The following CLSTN1 variants were observed in gnomAD, a reference collection of about 807,000 sequenced individuals.
CLSTN1 encodes calsyntenin 1.
A neutral mutation model predicts 108.3 loss-of-function variants in CLSTN1; 28 were observed. That is an observed-to-expected ratio of 0.26 (90% CI 0.19 to 0.35). The LOEUF is 0.35. CLSTN1 is among the 10% of genes least tolerant of loss of function. CLSTN1 has a pLI of 1.00. For missense variants in CLSTN1, 1,157 were observed against 1,302.6 expected, an observed-to-expected ratio of 0.89 and a Z score of 1.72; for synonymous variants, 524 against 534.9, an observed-to-expected ratio of 0.98 and a Z score of 0.28.
chr1:9,729,289 A>AT lies in CLSTN1; in HGVS notation c.*1218dup, dbSNP rs1650188941. 6.6e-6 allele frequency: 1 copy of AT among 152,570 alleles called. No individual in the cohort carries two copies. Among genetic ancestry groups the AT allele is most frequent in the African/African-American group, 2.4e-5 (1 of 41,428 alleles). The allele number at this position is 152,570 out of a possible 1,614,324, so 9.5% of individuals were successfully genotyped here. On this transcript the variant is annotated 3_prime_UTR_variant, in exon 19 of 19. Transcript: ENST00000377298. ...TGCCCACCTGTTTTAGAAATCTAAAATTTTACATGTAACTAAGAGCAAAGT... is the reference window on the plus strand; with the variant it reads ...TGCCCACCTGTTTTAGAAATCTAAAATTTTTACATGTAACTAAGAGCAAAGT...
intron 7 of CLSTN1, among the ~76,000 whole-genome samples, 168 bp downstream of exon 7, chr1:9,749,293 A>C (rs941069748): frequency 3.9e-5 from 6 of 152,148 alleles, no homozygotes; most frequent in Non-Finnish European, 5.9e-5. Flanking sequence ...CCCGAAGCCC[A>C]TCCAGTATGA....
intron 1 of CLSTN1, among the ~76,000 whole-genome samples, chr1:9,809,717 A>G (rs1654648131): frequency 6.6e-6 from 1 of 151,932 alleles, no homozygotes; most frequent in African/African-American, 2.4e-5. Context: ...CCTGGCCAAC[A>G]TGGTAAAACC....
At chr1:9,731,685 G>A in intron 17 of CLSTN1, 76 bp downstream of exon 17, 1 of 1,429,736 alleles carries the variant, frequency 7.0e-7, no homozygotes. Context: ...TGAGCAGGAG[G>A]CTGTGCCCAC....
intron 7 of CLSTN1, among the ~76,000 whole-genome samples, chr1:9,748,591 G>A (rs1206554579): frequency 6.6e-6 from 1 of 152,168 alleles, no homozygotes; most frequent in Non-Finnish European, 1.5e-5. Flanking sequence ...GGGCTCAAGC[G>A]ATCCTCCTCC....
intron 2 of CLSTN1, among the ~76,000 whole-genome samples, chr1:9,764,946 G>A (rs911139255): frequency 2.7e-4 from 41 of 151,978 alleles, no homozygotes; most frequent in African/African-American, 9.2e-4. Flanking sequence ...ATCCAAAATG[G>A]GTCCATTCAA....
At chr1:9,790,398 GA>G (rs986935441) in intron 1 of CLSTN1, among the ~76,000 whole-genome samples, 3 of 151,474 alleles carry the variant, frequency 2.0e-5, no homozygotes, top group African/African-American at 7.2e-5. Context: ...GGTATGCTGT[GA>G]CTTTTCTTTT....
At chr1:9,769,494 AC>A (rs890610650) in intron 2 of CLSTN1, among the ~76,000 whole-genome samples, 1 of 152,222 alleles carries the variant, frequency 6.6e-6, no homozygotes, top group Non-Finnish European at 1.5e-5. Context: ...GGCACCTAAC[AC>A]AGGTAAACTG....
At chr1:9,757,691 G>A (rs1651884246) in intron 2 of CLSTN1, among the ~76,000 whole-genome samples, 1 of 152,182 alleles carries the variant, frequency 6.6e-6, no homozygotes, top group Admixed American at 6.5e-5. Context: ...AAAACTAACT[G>A]TAGGGATGCT....
chr1:9,818,929 G>A (rs922982788), intron 1 of CLSTN1, among the ~76,000 whole-genome samples: 6 of 150,202 alleles, frequency 4.0e-5, no homozygotes, highest in Non-Finnish European at 7.4e-5. Context: ...TGGGACTACA[G>A]GCACCTGCCA....
Position 9,823,814 on chromosome 1 carries a change from TG to T in CLSTN1, c.-82del. On this transcript the variant is annotated 5_prime_UTR_variant, in exon 1 of 19. Transcript: ENST00000377298. The surrounding 1 kb of genome is among the most constrained non-coding windows in gnomAD (Gnocchi z 6.3). ...CGGAGCTCTCGGGGCTCTAGGGGCC[TG>T]GGGCTAGCTGCTCCGCGGCGCGGGG... 7.2e-6 allele frequency: 5 copies of T among 691,902 alleles called. No homozygotes were observed. The highest frequency in any genetic ancestry group is 2.3e-4 in the East Asian group (2 of 8,572). The allele number at this position is 691,902 out of a possible 1,614,324, so 42.9% of individuals were successfully genotyped here. A position where few individuals can be genotyped will look rare whatever the true frequency, so the allele number is the denominator to read the frequency against.
chr1:9,733,922 G>A, intron 15 of CLSTN1, 50 bp downstream of exon 15: 2 of 1,553,814 alleles, frequency 1.3e-6, no homozygotes, highest in East Asian at 2.3e-5. Context: ...AGCTCTCAAA[G>A]TCCCCTCTTG....
intron 1 of CLSTN1, among the ~76,000 whole-genome samples, chr1:9,775,312 G>A (rs181063680): frequency 3.3e-5 from 5 of 151,450 alleles, no homozygotes; most frequent in South Asian, 4.2e-4. Context: ...CAAGTTCCTC[G>A]TTCGTAAACC....
chr1:9,819,400 G>A lies in CLSTN1; in HGVS notation c.91+4243C>T, dbSNP rs546045769. ...GGTTTAATAAGCTTCACTAAGTCCT[G>A]CAGCTAGTGTTACGAAATTACAGCA... On this transcript the variant is annotated intron_variant, in intron 1 of 18. Coordinates refer to ENST00000377298, the MANE Select transcript of CLSTN1 (RefSeq NM_001009566.3). Among the ~76,000 whole-genome samples the A allele has an allele frequency of 2.6e-5, 4 of 152,196 alleles. No individual in the cohort carries two copies. In the South Asian group the frequency reaches 8.3e-4, roughly 32 times the overall value.
intron 1 of CLSTN1, among the ~76,000 whole-genome samples, chr1:9,801,975 CAT>C (rs770802161): frequency 3.3e-5 from 5 of 152,142 alleles, no homozygotes; most frequent in Non-Finnish European, 7.3e-5. Flanking sequence ...ACAGCAAACA[CAT>C]GTTTACTATA....
intron 1 of CLSTN1, among the ~76,000 whole-genome samples, chr1:9,796,881 T>C (rs760186818): frequency 6.6e-6 from 1 of 152,106 alleles, no homozygotes; most frequent in East Asian, 1.9e-4. Flanking sequence ...ACAGATGGAA[T>C]GTGGAGTCAG....
intron 7 of CLSTN1, among the ~76,000 whole-genome samples, chr1:9,745,276 G>A (rs1457519004): frequency 1.3e-5 from 2 of 150,454 alleles, no homozygotes; most frequent in African/African-American, 2.4e-5. Flanking sequence ...AGCATTTCTT[G>A]TAATCTGATT....
intron 1 of CLSTN1, among the ~76,000 whole-genome samples, chr1:9,808,242 T>C (rs971498029): frequency 2.6e-5 from 4 of 152,136 alleles, no homozygotes; most frequent in African/African-American, 7.2e-5. Context: ...TCACGTTTGG[T>C]TGAAAAAATC....
rs76328159 is a variant in CLSTN1 at position 9,741,480 on chromosome 1, G to A, written c.1357-224C>T. ...CATTGCTCACTAACCAGAGGACACAGCCCAAGTAGGGAGCTGCCCAATTCT... is the reference window on the plus strand; with the variant it reads ...CATTGCTCACTAACCAGAGGACACAACCCAAGTAGGGAGCTGCCCAATTCT... On this transcript the variant is annotated intron_variant, in intron 9 of 18. Transcript: ENST00000377298. 7.5e-3 allele frequency among the ~76,000 whole-genome samples: 1,148 copies of A among 152,346 alleles called. 18 individuals carry two copies. The highest frequency in any genetic ancestry group is 0.024 in the African/African-American group (999 of 41,580).
At position 9,779,023 on chromosome 1, in the gene CLSTN1, CA is replaced by C. The variant is rs70998309; in HGVS notation, c.92-5630del. On this transcript the variant is annotated intron_variant, in intron 1 of 18. Coordinates refer to ENST00000377298, the MANE Select transcript of CLSTN1 (RefSeq NM_001009566.3). The stretch of plus-strand genomic sequence containing the variant: ...GGGAGAGAAGCGAGAGACTTCGTCT[CA>C]AAAAAAAAAAAAAAGAAGAAGAAGA... 7.6e-3 allele frequency among the ~76,000 whole-genome samples: 773 copies of C among 102,072 alleles called. 9 individuals are homozygous for C. Among genetic ancestry groups the C allele is most frequent in the East Asian group, 0.045 (202 of 4,442 alleles). The allele number at this position is 102,072 out of a possible 152,430, so 67.0% of individuals were successfully genotyped here. A position where few individuals can be genotyped will look rare whatever the true frequency, so the allele number is the denominator to read the frequency against.
Sources: gnomAD v4.1 joint callset for allele counts (sites outside exome capture counted in the v4.1 genomes callset) on GRCh38, gnomAD v4.1.1 for gene constraint, Gnocchi (gnomAD v3.1) non-coding constraint, MANE v1.5 for transcripts, NCBI Gene and HGNC (gene_info 2026-07-23, HGNC 2026-07-21) for gene names.